The following KYAT3 variants were observed in gnomAD, a reference collection of about 807,000 sequenced individuals.
The protein encoded by KYAT3 is kynurenine--oxoglutarate transaminase 3.
KYAT3 carries 50 observed loss-of-function variants against 59.0 expected under a neutral mutation model. The ratio of observed to expected loss-of-function variants is 0.85; its 90% confidence interval spans 0.68 to 1.07. The LOEUF (loss-of-function observed/expected upper bound fraction) is 1.07. Among genes scored for constraint, KYAT3 ranks in the 50% least tolerant of loss-of-function variants. The pLI is 0.00. For synonymous variants in KYAT3, 148 were observed against 177.0 expected (o/e 0.84, Z 1.30); for missense variants, 497 against 533.3 (o/e 0.93, Z 0.67).
chr1:88,964,219 C>A (rs1676253870), intron 5 of KYAT3, among the ~76,000 whole-genome samples: 1 of 152,076 alleles, frequency 6.6e-6, no homozygotes, highest in Admixed American at 6.6e-5. Flanking sequence ...CAAAAACAAT[C>A]ACAAAAACAT....
Position 88,961,368 on chromosome 1 carries a change from G to A in KYAT3, c.666+13C>T, listed in dbSNP as rs1363436317. 2 of 1,613,774 alleles carry A rather than the reference G, an allele frequency of 1.2e-6. No individual in the cohort carries two copies. The highest frequency in any genetic ancestry group is 8.5e-7 in the Non-Finnish European group (1 of 1,179,846). On this transcript the variant is annotated intron_variant, in intron 7 of 13. Coordinates refer to ENST00000260508, the MANE Select transcript of KYAT3 (RefSeq NM_001008661.3). ...AGGTCAGAAGACTGTATAAGGAGAT[G>A]AGACTTGCTTACCTTGCCAAGTGGG...
the KYAT3 span, among the ~76,000 whole-genome samples, chr1:88,928,590 C>T: frequency 6.6e-6 from 1 of 152,218 alleles, no homozygotes; most frequent in Admixed American, 6.5e-5. Context: ...GGAAGGCCCA[C>T]TGCCCCAGGG....
At chr1:88,956,867 C>T (rs564043920) in intron 8 of KYAT3, among the ~76,000 whole-genome samples, 88 of 152,280 alleles carry the variant, frequency 5.8e-4, no homozygotes, top group South Asian at 2.1e-3. Context: ...TTTGTGGATT[C>T]CTCAAGTAAT....
At chr1:88,961,142 T>C (rs923022124) in intron 8 of KYAT3, 25 bp downstream of exon 8, 2 of 1,611,758 alleles carry the variant, frequency 1.2e-6, no homozygotes, top group East Asian at 2.2e-5. Context: ...CATTTAGATA[T>C]GTGACTCTGT....
intron 2 of KYAT3, among the ~76,000 whole-genome samples, chr1:88,971,464 T>C (rs1676554204): frequency 6.6e-6 from 1 of 151,558 alleles, no homozygotes; most frequent in South Asian, 2.1e-4. Context: ...TGTTTCTCAA[T>C]GTTTTTTTTT....
At chr1:88,968,526 G>T in intron 4 of KYAT3, 144 bp downstream of exon 4, 1 of 580,266 alleles carries the variant, frequency 1.7e-6, no homozygotes, top group South Asian at 3.5e-5. Context: ...GGCAAGGGCA[G>T]AAGTTTCTGT....
intron 2 of KYAT3, among the ~76,000 whole-genome samples, chr1:88,970,095 T>C (rs7539070): frequency 0.45 from 68,883 of 152,028 alleles, 15,885 homozygotes; most frequent in Admixed American, 0.5. Flanking sequence ...TTTAAAAAGT[T>C]AGTTTCAAAA....
chr1:88,939,951 C>T (rs1035139705), intron 13 of KYAT3, among the ~76,000 whole-genome samples: 2 of 152,096 alleles, frequency 1.3e-5, no homozygotes, highest in Non-Finnish European at 1.5e-5. Flanking sequence ...TTATTTGCTC[C>T]ATGGCAACAT....
rs539148382 is a variant in KYAT3 at position 88,986,710 on chromosome 1, G to A, written c.99+1542C>T. Among the ~76,000 whole-genome samples the A allele has an allele frequency of 6.6e-5, 10 of 152,070 alleles. No homozygotes were observed. In the East Asian group the frequency reaches 1.7e-3, roughly 27 times the overall value. ...CTATCCTTCATTCTATTCCCTTCCC[G>A]GCAGATTTTCATGACATTAAGGATG... On this transcript the variant is annotated intron_variant, in intron 2 of 13. Transcript: ENST00000260508.
intron 2 of KYAT3, among the ~76,000 whole-genome samples, chr1:88,974,955 G>C (rs1434331787): frequency 6.6e-6 from 1 of 152,164 alleles, no homozygotes; most frequent in Non-Finnish European, 1.5e-5. Context: ...GGCCGGCCAC[G>C]TGAGCCAGCA....
the KYAT3 span, among the ~76,000 whole-genome samples, chr1:88,928,762 G>T: frequency 6.6e-6 from 1 of 152,150 alleles, no homozygotes; most frequent in Non-Finnish European, 1.5e-5. Flanking sequence ...CACTGGCACA[G>T]CCTTCTCAGT....
chr1:88,986,189 AAAAAG>A (rs1027949961), intron 2 of KYAT3, among the ~76,000 whole-genome samples: 4 of 149,274 alleles, frequency 2.7e-5, no homozygotes, highest in African/African-American at 9.8e-5. Flanking sequence ...ATGAAAAAAA[AAAAAG>A]AGAGAGAGAG....
the KYAT3 span, among the ~76,000 whole-genome samples, chr1:88,922,876 A>G: frequency 7.9e-5 from 12 of 152,184 alleles, no homozygotes; most frequent in African/African-American, 2.9e-4. Flanking sequence ...TCAATAAGAC[A>G]CAGTATGCCA....
At chr1:88,966,692 T>C (rs78072022) in intron 4 of KYAT3, among the ~76,000 whole-genome samples, 49 of 152,262 alleles carry the variant, frequency 3.2e-4, no homozygotes, top group African/African-American at 1.1e-3. Context: ...ATTTTTCTTC[T>C]TTCTAATCTA....
At chr1:88,991,361 T>G (rs551166042) in intron 1 of KYAT3, among the ~76,000 whole-genome samples, 6 of 152,320 alleles carry the variant, frequency 3.9e-5, no homozygotes, top group South Asian at 2.1e-4. Context: ...CCAGAACATC[T>G]GGGTTAACTG....
Position 88,949,203 on chromosome 1 carries a change from T to A in KYAT3, c.1029A>T (p.Pro343=). 6.2e-7 allele frequency: 1 copy of A among 1,610,492 alleles called. No individual in the cohort carries two copies. The highest frequency in any genetic ancestry group is 8.5e-7 in the Non-Finnish European group (1 of 1,178,760). ...DDPECYFNSL[P]KELEVKRDRM... ...GATCTCTTTTTACTTCTAACTCTTT[T>A]GGCAAAGAATTAAAGTAACATTCTG... Residue 343 remains proline, a synonymous_variant, in exon 11 of 14, where the codon CCA becomes CCT. Coordinates refer to ENST00000260508, the MANE Select transcript of KYAT3 (RefSeq NM_001008661.3).
chr1:88,980,023 G>C (rs1260394597), intron 2 of KYAT3: 2 of 152,168 alleles, frequency 1.3e-5, no homozygotes, highest in Non-Finnish European at 2.9e-5. Flanking sequence ...GCAACCTGGT[G>C]AATTTCAAAG....
intron 2 of KYAT3, among the ~76,000 whole-genome samples, chr1:88,975,212 C>T (rs543541286): frequency 3.3e-5 from 5 of 151,946 alleles, no homozygotes; most frequent in Admixed American, 1.3e-4. Context: ...TAACACTCAC[C>T]ACAAGGGTCT....
chr1:88,972,040 A>C (rs1474637796), intron 2 of KYAT3, among the ~76,000 whole-genome samples: 1 of 152,260 alleles, frequency 6.6e-6, no homozygotes, highest in Non-Finnish European at 1.5e-5. Flanking sequence ...AACACTTCTA[A>C]TATGAAACAT....
Sources: gnomAD v4.1 joint callset for allele counts (sites outside exome capture counted in the v4.1 genomes callset) on GRCh38, gnomAD v4.1.1 for gene constraint, MANE v1.5 for transcripts, NCBI Gene and HGNC (gene_info 2026-07-23, HGNC 2026-07-21) for gene names.